PRAMEF2: variants seen among roughly 807,000 people sequenced by gnomAD.
PRAMEF2 encodes the protein PRAME family member 2.
PRAMEF2 carries 35 observed loss-of-function variants against 38.0 expected under a neutral mutation model. That is an observed-to-expected ratio of 0.92 (90% CI 0.70 to 1.22). PRAMEF2 has a LOEUF of 1.22. Among genes scored for constraint, PRAMEF2 ranks in the 50% most tolerant of loss-of-function variants. PRAMEF2 has a pLI of 0.00. For missense variants in PRAMEF2, 562 were observed against 553.9 expected, an observed-to-expected ratio of 1.01 and a Z score of -0.15; for synonymous variants, 240 against 232.4, an observed-to-expected ratio of 1.03 and a Z score of -0.30.
At position 12,860,117 on chromosome 1, in the gene PRAMEF2, G is replaced by A. The variant is rs267597976; in HGVS notation, c.712G>A (p.Val238Ile). ...GGAGATGAAGACTCTTTGCAAACTC[G>A]TTTTCTCCAGGTGCCATCATTACAC... The part of the protein sequence containing the change: ...LKEMKTLCKL[V>I]FSRCHHYTSD... Residue 238 changes from valine to isoleucine, a missense_variant, in exon 3 of 4, where the codon GTT becomes ATT. This residue lies in a region of PRAMEF2 where 486 missense variants were observed against 444.2 expected (regional missense o/e 1.09). Coordinates refer to ENST00000240189, the MANE Select transcript of PRAMEF2 (RefSeq NM_023014.1). 1.2e-5 allele frequency: 19 copies of A among 1,606,344 alleles called. No homozygotes were observed. In the East Asian group the frequency reaches 2.2e-4, roughly 19 times the overall value.
chr1:12,859,427 C>T (rs1453024751), intron 2 of PRAMEF2, 131 bp downstream of exon 2: 2 of 1,520,600 alleles, frequency 1.3e-6, no homozygotes, highest in Non-Finnish European at 1.8e-6. Context: ...CTCAGGGAGG[C>T]TTTGGCCATT....
chr1:12,859,318 A>T lies in PRAMEF2; in HGVS notation c.287+22A>T, dbSNP rs9308464. Reference sequence around the variant, plus strand: ...CCAGGTGAGGTGACCCAGGAGGGCTAGTAGATAGGGCTCAGGTGTCCAGGG... The same window carrying T: ...CCAGGTGAGGTGACCCAGGAGGGCTTGTAGATAGGGCTCAGGTGTCCAGGG... On this transcript the variant is annotated intron_variant, in intron 2 of 3. Coordinates refer to ENST00000240189, the MANE Select transcript of PRAMEF2 (RefSeq NM_023014.1). 15 of 1,601,960 alleles carry T rather than the reference A, an allele frequency of 9.4e-6. 1 individual carries two copies. In the Admixed American group the frequency reaches 2.2e-4, roughly 24 times the overall value.
intron 3 of PRAMEF2, among the ~76,000 whole-genome samples, chr1:12,861,017 G>A (rs1640538568): frequency 6.7e-6 from 1 of 149,390 alleles, no homozygotes; most frequent in East Asian, 1.9e-4. Context: ...AATCACACAA[G>A]CAATGGTGAA....
chr1:12,858,204 A>G (rs1179167542), intron 1 of PRAMEF2, among the ~76,000 whole-genome samples: 1 of 149,840 alleles, frequency 6.7e-6, no homozygotes, highest in Non-Finnish European at 1.5e-5. Context: ...CAGAGTAGCT[A>G]GGATTACAGT....
Position 12,859,751 on chromosome 1 carries a change from T to C in PRAMEF2, c.346T>C (p.Trp116Arg). The C allele has an allele frequency of 1.9e-6, 3 of 1,606,262 alleles. No individual in the cohort carries two copies. Among genetic ancestry groups the C allele is most frequent in the Non-Finnish European group, 2.5e-6 (3 of 1,177,098 alleles). ...RDVDENFWAR[W>R]PGAWALSCFP... ...TGTTGATGAGAATTTCTGGGCCAGA[T>C]GGCCTGGAGCCTGGGCCCTGTCCTG... Residue 116 changes from tryptophan (W) to arginine (R), a missense_variant, in exon 3 of 4, where the codon TGG (tryptophan) becomes CGG (arginine). Physicochemically the swap from Trp to Arg is moderately radical, Grantham distance 101 (BLOSUM62 -3). Coordinates refer to ENST00000240189, the MANE Select transcript of PRAMEF2 (RefSeq NM_023014.1).
rs771007141 is a variant in PRAMEF2, at chr1:12,859,777, C to T, written c.372C>T (p.Cys124=). The part of the protein sequence containing the change: ...ARWPGAWALS[C]FPEAMSKRQT... Reference sequence around the variant, plus strand: ...GGCCTGGAGCCTGGGCCCTGTCCTGCTTCCCAGAGGCCATGAGTAAGAGGC... The same window carrying T: ...GGCCTGGAGCCTGGGCCCTGTCCTGTTTCCCAGAGGCCATGAGTAAGAGGC... The change falls in exon 3 of 4, where the codon TGC becomes TGT. Residue 124 remains cysteine (C), a synonymous_variant. Transcript: ENST00000240189. 2 of 1,606,744 alleles carry T rather than the reference C, an allele frequency of 1.2e-6. No homozygotes were observed. Among genetic ancestry groups the T allele is most frequent in the African/African-American group, 1.3e-5 (1 of 74,360 alleles).
At position 12,859,308 on chromosome 1, in the gene PRAMEF2, C is replaced by A; in HGVS notation, c.287+12C>A. On this transcript the variant is annotated intron_variant, in intron 2 of 3. Transcript: ENST00000240189. ...AAGGATCGCCCCAGGTGAGGTGACCCAGGAGGGCTAGTAGATAGGGCTCAG... is the reference window on the plus strand; with the variant it reads ...AAGGATCGCCCCAGGTGAGGTGACCAAGGAGGGCTAGTAGATAGGGCTCAG... 6.2e-7 allele frequency: 1 copy of A among 1,608,434 alleles called. No homozygotes were observed. The highest frequency in any genetic ancestry group is 8.5e-7 in the Non-Finnish European group (1 of 1,177,928).
At position 12,860,216 on chromosome 1, in the gene PRAMEF2, T is replaced by A. The variant is rs745889695; in HGVS notation, c.811T>A (p.Leu271Met). 14 of 1,606,772 alleles carry A rather than the reference T, an allele frequency of 8.7e-6. 1 individual carries two copies. The Admixed American group carries it at 1.9e-4, about 22-fold the overall frequency. The change falls in exon 3 of 4, where the codon TTG becomes ATG. Residue 271 changes from leucine (L) to methionine (M), a missense_variant. By Grantham distance (15) the Leu-to-Met change is conservative. This residue lies in a region of PRAMEF2 where 486 missense variants were observed against 444.2 expected (regional missense o/e 1.09). Transcript: ENST00000240189. ...SVFLRLEHLQ[L>M]LKIKLITFFS... ...GTTCCTCAGGCTGGAACACCTCCAGTTGCTTAAAATAAAATTGATCACCTT... is the reference window on the plus strand; with the variant it reads ...GTTCCTCAGGCTGGAACACCTCCAGATGCTTAAAATAAAATTGATCACCTT...
In PRAMEF2 at chr1:12,861,530, C is replaced by T. The variant is rs199716299; in HGVS notation, c.1176C>T (p.Asp392=). ...TTGGCAGCAATTGCATGTCTATTGA[C>T]GCCCTGAAGGACCTGCTGCGCCACA... ...FYFGSNCMSI[D]ALKDLLRHTS... is the part of the protein sequence containing the mutation. Residue 392 remains aspartate (D), a synonymous_variant, in exon 4 of 4, where the codon GAC becomes GAT. Transcript: ENST00000240189. 76 of 1,605,538 alleles carry T rather than the reference C, an allele frequency of 4.7e-5. 3 individuals carry two copies. Among genetic ancestry groups the T allele is most frequent in the Middle Eastern group, 2.3e-4 (1 of 4,428 alleles).
In PRAMEF2 at chr1:12,861,727, C is replaced by T. The variant is rs772141522; in HGVS notation, c.1373C>T (p.Pro458Leu). Residue 458 changes from proline to leucine, a missense_variant, in exon 4 of 4, where the codon CCT (proline) becomes CTT (leucine). Transcript: ENST00000240189. The part of the protein sequence containing the change: ...KRIFIGPTPC[P>L]SCGSSPSEEL... ...ATCTTCATTGGCCCCACCCCCTGCCCTTCCTGTGGCTCATCACCGTCTGAG... is the reference window on the plus strand; with the variant it reads ...ATCTTCATTGGCCCCACCCCCTGCCTTTCCTGTGGCTCATCACCGTCTGAG... 3.8e-6 allele frequency: 6 copies of T among 1,592,130 alleles called. No individual in the cohort carries two copies. The highest frequency in any genetic ancestry group is 5.1e-6 in the Non-Finnish European group (6 of 1,169,368).
chr1:12,859,350 C>A, intron 2 of PRAMEF2, 54 bp downstream of exon 2: 1 of 1,605,738 alleles, frequency 6.2e-7, no homozygotes, highest in Non-Finnish European at 8.5e-7. Context: ...AGGGAAAGAA[C>A]AGCAGGGTCA....
At position 12,859,224 on chromosome 1, in the gene PRAMEF2, C is replaced by G. The variant is rs9659529; in HGVS notation, c.215C>G (p.Thr72Arg). ...CTCCCTCTGGTATCGCTGATGAAGA[C>G]GCTTCATCTGGAGCCATTGAAAGCA... ...TCLPLVSLMKTLHLEPLKALL... is the reference protein window; with the variant it reads ...TCLPLVSLMKRLHLEPLKALL... The change falls in exon 2 of 4, where the codon ACG becomes AGG. Residue 72 changes from threonine (T) to arginine (R), a missense_variant. This residue lies in a region of PRAMEF2 where 486 missense variants were observed against 444.2 expected (regional missense o/e 1.09). Coordinates refer to ENST00000240189, the MANE Select transcript of PRAMEF2 (RefSeq NM_023014.1). 0.11 allele frequency: 181,035 copies of G among 1,609,696 alleles called. 12,684 individuals carry two copies. The highest frequency in any genetic ancestry group is 0.14 in the African/African-American group (10,185 of 74,412).
At position 12,859,799 on chromosome 1, in the gene PRAMEF2, A is replaced by G. The variant is rs370582976; in HGVS notation, c.394A>G (p.Arg132Gly). The change falls in exon 3 of 4, where the codon AGG (arginine) becomes GGG (glycine). Residue 132 changes from arginine (R) to glycine (G), a missense_variant. Arg to Gly is a moderately radical substitution (Grantham distance 125). This residue lies in a region of PRAMEF2 where 486 missense variants were observed against 444.2 expected (regional missense o/e 1.09). Transcript: ENST00000240189. ...CTGCTTCCCAGAGGCCATGAGTAAG[A>G]GGCAGACAGCAGAGGACTGTCCAAG... ...LSCFPEAMSKRQTAEDCPRTG... is the reference protein window; with the variant it reads ...LSCFPEAMSKGQTAEDCPRTG... The G allele has an allele frequency of 5.0e-6, 8 of 1,607,296 alleles. No individual in the cohort carries two copies. The African/African-American group carries it at 9.4e-5, about 19-fold the overall frequency.
At chr1:12,861,191 T>G in intron 3 of PRAMEF2, 30 bp from the exon 4 acceptor site, 2 of 1,593,780 alleles carry the variant, frequency 1.3e-6, no homozygotes, top group Non-Finnish European at 1.7e-6. Context: ...CTGGTACCAT[T>G]GCCCAGAACT....
intron 1 of PRAMEF2, 147 bp downstream of exon 1, chr1:12,857,294 G>A (rs1287495828): frequency 6.7e-6 from 1 of 149,494 alleles, no homozygotes; most frequent in Non-Finnish European, 1.5e-5. Context: ...TCCTCTAAAT[G>A]TAGTTTTGTC....
intron 1 of PRAMEF2, among the ~76,000 whole-genome samples, chr1:12,858,377 T>C (rs1192149972): frequency 6.7e-6 from 1 of 150,254 alleles, no homozygotes; most frequent in Non-Finnish European, 1.5e-5. Flanking sequence ...AACTTTTGTA[T>C]ATTTAGTAGA....
chr1:12,861,682 A>C lies in PRAMEF2; in HGVS notation c.1328A>C (p.Glu443Ala). The C allele has an allele frequency of 6.4e-7, 1 of 1,557,230 alleles. No homozygotes were observed. The change falls in exon 4 of 4, where the codon GAA (glutamate) becomes GCA (alanine). Residue 443 changes from glutamate (E) to alanine (A), a missense_variant. Coordinates refer to ENST00000240189, the MANE Select transcript of PRAMEF2 (RefSeq NM_023014.1). ...LRAELMCTLR[E>A]FRQPKRIFIG... ...GCTGAGCTGATGTGTACACTGAGGGAATTCAGGCAGCCCAAGAGGATCTTC... is the reference window on the plus strand; with the variant it reads ...GCTGAGCTGATGTGTACACTGAGGGCATTCAGGCAGCCCAAGAGGATCTTC...
At chr1:12,861,121 A>T in intron 3 of PRAMEF2, 100 bp from the exon 4 acceptor site, 5 of 1,360,814 alleles carry the variant, frequency 3.7e-6, no homozygotes, top group Non-Finnish European at 5.1e-6. Flanking sequence ...GTGGGAACAA[A>T]CTTGTGTTTG....
Position 12,859,089 on chromosome 1 carries a change from C to T in PRAMEF2, c.80C>T (p.Ala27Val). 3 of 1,605,292 alleles carry T rather than the reference C, an allele frequency of 1.9e-6. No homozygotes were observed. The highest frequency in any genetic ancestry group is 2.5e-6 in the Non-Finnish European group (3 of 1,176,582). The stretch of plus-strand genomic sequence containing the variant: ...AGAGACCAGGCCTTGTCCATCTCTG[C>T]CATGGAGGAGCTGCCCAGGGTGCTC... ...LLRDQALSIS[A>V]MEELPRVLYL... Residue 27 changes from alanine (A) to valine (V), a missense_variant, in exon 2 of 4, where the codon GCC becomes GTC. By Grantham distance (64) the Ala-to-Val change is moderately conservative. Around this residue, in one of 2 missense-constraint regions of PRAMEF2, gnomAD observed 486 missense variants for 444.2 expected, o/e 1.09. Transcript: ENST00000240189.
Sources: gnomAD v4.1 joint callset for allele counts (sites outside exome capture counted in the v4.1 genomes callset) on GRCh38, gnomAD v4.1.1 for gene constraint, gnomAD v4.1.1 regional missense constraint, MANE v1.5 for transcripts, NCBI Gene and HGNC (gene_info 2026-07-23, HGNC 2026-07-21) for gene names.